ANO2: variants seen among roughly 807,000 people sequenced by gnomAD.
ANO2 encodes the protein anoctamin 2, also known as anoctamin-2.
In ANO2, 101 loss-of-function variants were observed where a neutral mutation model predicts 124.2. The ratio of observed to expected loss-of-function variants is 0.81; its 90% CI spans 0.69 to 0.96. The LOEUF (loss-of-function observed/expected upper bound fraction) is 0.96. Ranked by LOEUF, ANO2 falls within the 40% of genes least tolerant of loss-of-function variation. The pLI is 0.00. For synonymous variants in ANO2, 486 were observed against 482.5 expected (o/e 1.01, Z -0.09); for missense variants, 1,293 against 1,274.5 (o/e 1.01, Z -0.22).
At chr12:5,822,973 A>G (rs1006131896) in intron 7 of ANO2, among the ~76,000 whole-genome samples, 1 of 152,222 alleles carries the variant, frequency 6.6e-6, no homozygotes, top group African/African-American at 2.4e-5. Flanking sequence ...AGATCTCATG[A>G]GACTTATTCA....
At chr12:5,637,185 C>T (rs1946067857) in intron 15 of ANO2, among the ~76,000 whole-genome samples, 1 of 152,170 alleles carries the variant, frequency 6.6e-6, no homozygotes, top group South Asian at 2.1e-4. Flanking sequence ...TAGACATTTT[C>T]ACTTCCCATT....
intron 1 of ANO2, among the ~76,000 whole-genome samples, chr12:5,927,009 A>G (rs1423645776): frequency 6.6e-6 from 1 of 152,170 alleles, no homozygotes; most frequent in African/African-American, 2.4e-5. Context: ...GCACAGGATA[A>G]TTATCAAACC....
intron 20 of ANO2, among the ~76,000 whole-genome samples, chr12:5,589,055 G>C (rs968480589): frequency 6.6e-6 from 1 of 152,186 alleles, no homozygotes; most frequent in Non-Finnish European, 1.5e-5. Flanking sequence ...TTACTTCAAA[G>C]ACGAGGGTGC....
intron 14 of ANO2, among the ~76,000 whole-genome samples, chr12:5,687,857 G>T (rs570351313): frequency 1.2e-5 from 1 of 82,376 alleles, no homozygotes; most frequent in Admixed American, 1.6e-4. Context: ...GCAAATACAG[G>T]ACTGCCAAAA....
At chr12:5,832,373 AG>A in intron 5 of ANO2, 78 bp downstream of exon 5, 1 of 1,547,186 alleles carries the variant, frequency 6.5e-7, no homozygotes, top group Non-Finnish European at 8.8e-7. Flanking sequence ...TGGGAGCCCC[AG>A]GGCTGAGTCA....
intron 17 of ANO2, among the ~76,000 whole-genome samples, chr12:5,614,307 C>T (rs1425522156): frequency 6.6e-6 from 1 of 152,200 alleles, no homozygotes; most frequent in Non-Finnish European, 1.5e-5. Context: ...ACCCCTAGGA[C>T]TATACCTAAA....
chr12:5,737,087 T>C (rs561281053), intron 13 of ANO2, among the ~76,000 whole-genome samples: 1 of 152,236 alleles, frequency 6.6e-6, no homozygotes, highest in Non-Finnish European at 1.5e-5. Context: ...ATGTAATAGA[T>C]GCTTAATGGC....
chr12:5,582,874 T>C (rs138825792), intron 20 of ANO2, among the ~76,000 whole-genome samples: 295 of 152,290 alleles, frequency 1.9e-3, no homozygotes, highest in Non-Finnish European at 3.4e-3. Flanking sequence ...AACTTCGCCT[T>C]CTGTATGAAG....
Position 5,610,729 on chromosome 12 carries a change from T to TAC in ANO2, c.2087+1926_2087+1927insGT, listed in dbSNP as rs1481490622. Among the ~76,000 whole-genome samples, 1,193 of 133,660 alleles carry TAC rather than the reference T, an allele frequency of 8.9e-3. 5 individuals are homozygous for TAC. The highest frequency in any genetic ancestry group is 0.011 in the African/African-American group (404 of 36,572). 87.7% of individuals were successfully genotyped at this position (133,660 alleles called of 152,430 possible). A position where few individuals can be genotyped will look rare whatever the true frequency, so the allele number is the denominator to read the frequency against. ...GTATGTGTACACATATATACATATA[T>TAC]ATATATATATATATGAAAATAAATA... On this transcript the variant is annotated intron_variant, in intron 19 of 24. Transcript: ENST00000682330.
intron 16 of ANO2, among the ~76,000 whole-genome samples, chr12:5,628,735 A>G (rs943226266): frequency 6.6e-5 from 10 of 152,166 alleles, no homozygotes; most frequent in Non-Finnish European, 1.0e-4. Flanking sequence ...CATGTGTACA[A>G]GTGTGTGCAT....
chr12:5,600,604 G>A (rs1392554562), intron 19 of ANO2, among the ~76,000 whole-genome samples: 2 of 152,154 alleles, frequency 1.3e-5, no homozygotes, highest in African/African-American at 2.4e-5. Context: ...TTTTAATACC[G>A]AATGCTAAAA....
intron 3 of ANO2, among the ~76,000 whole-genome samples, chr12:5,890,872 C>G (rs1939342081): frequency 6.6e-6 from 1 of 152,230 alleles, no homozygotes; most frequent in African/African-American, 2.4e-5. Flanking sequence ...CACCTGCTGT[C>G]TTCTTTCCCT....
At chr12:5,622,555 C>A (rs1300696813) in intron 16 of ANO2, among the ~76,000 whole-genome samples, 4 of 152,128 alleles carry the variant, frequency 2.6e-5, no homozygotes. Context: ...AGTGAGGGAA[C>A]AAATGAAGGT....
intron 14 of ANO2, 30 bp downstream of exon 14, chr12:5,732,490 G>A (rs1468050680): frequency 1.3e-6 from 2 of 1,573,820 alleles, no homozygotes; most frequent in Non-Finnish European, 8.7e-7. Flanking sequence ...CAAGTAAAGA[G>A]GACCGTGAGC....
chr12:5,906,614 G>A (rs1311307905), intron 3 of ANO2, among the ~76,000 whole-genome samples: 1 of 152,068 alleles, frequency 6.6e-6, no homozygotes, highest in Admixed American at 6.6e-5. Context: ...GGCCAACACA[G>A]TGAAACCCAG....
At chr12:5,564,631 A>C (rs1941638431) in intron 24 of ANO2, 1 of 151,432 alleles carries the variant, frequency 6.6e-6, no homozygotes, top group Non-Finnish European at 1.5e-5. Flanking sequence ...CAAGTCACAC[A>C]CTCTTCCTCT....
chr12:5,830,389 C>T (rs1185420318), intron 6 of ANO2, 46 bp downstream of exon 6: 1 of 1,590,482 alleles, frequency 6.3e-7, no homozygotes, highest in African/African-American at 1.3e-5. Flanking sequence ...AGGAACTCAG[C>T]CCTTTCCCCA....
chr12:5,792,789 G>A (rs1014331176), intron 10 of ANO2, among the ~76,000 whole-genome samples: 4 of 152,148 alleles, frequency 2.6e-5, no homozygotes, highest in African/African-American at 7.2e-5. Flanking sequence ...AAACCCAGTG[G>A]TCATCTGCAA....
rs1013456566 is a variant in ANO2 at position 5,862,100 on chromosome 12, A to G, written c.535-7959T>C. ...GCTCTGCCTGGTCCTCCTGAGACAC[A>G]GGGATTTGGGATTAAGCAAAGGGAA... On this transcript the variant is annotated intron_variant, in intron 3 of 24. Transcript: ENST00000682330. This position sits in a 1 kb window ranked among gnomAD's most constrained non-coding sequence, Gnocchi z 4.0. Among the ~76,000 whole-genome samples, 14 of 152,254 alleles carry G rather than the reference A, an allele frequency of 9.2e-5. No homozygotes were observed. The highest frequency in any genetic ancestry group is 3.4e-4 in the African/African-American group (14 of 41,560).
Sources: gnomAD v4.1 joint callset for allele counts (sites outside exome capture counted in the v4.1 genomes callset) on GRCh38, gnomAD v4.1.1 for gene constraint, Gnocchi (gnomAD v3.1) non-coding constraint, MANE v1.5 for transcripts, NCBI Gene and HGNC (gene_info 2026-07-23, HGNC 2026-07-21) for gene names.